CDC42EP4: variants seen among roughly 807,000 people sequenced by gnomAD.
The protein encoded by CDC42EP4 is CDC42 effector protein (Rho GTPase binding) 4.
A neutral mutation model predicts 5.6 loss-of-function variants in CDC42EP4; 6 were observed. That is an observed-to-expected ratio of 1.07 (90% CI 0.59 to 2.12). The LOEUF (loss-of-function observed/expected upper bound fraction) is 2.12. Among genes scored for constraint, CDC42EP4 ranks in the 30% most tolerant of loss-of-function variants. The pLI is 0.00. For synonymous variants in CDC42EP4, 230 were observed against 224.2 expected, an observed-to-expected ratio of 1.03 and a Z score of -0.23; for missense variants, 490 against 508.6, an observed-to-expected ratio of 0.96 and a Z score of 0.35.
chr17:73,291,953 C>T (rs886833089), intron 1 of CDC42EP4, among the ~76,000 whole-genome samples: 2 of 152,188 alleles, frequency 1.3e-5, no homozygotes, highest in Non-Finnish European at 2.9e-5. Context: ...CTTGCCTGGA[C>T]CCCTCGCCTA....
rs796328573 is a variant in CDC42EP4 at position 73,284,887 on chromosome 17, G to C, written c.*543C>G. On this transcript the variant is annotated 3_prime_UTR_variant, in exon 2 of 2. Coordinates refer to ENST00000335793, the MANE Select transcript of CDC42EP4 (RefSeq NM_012121.5). The stretch of plus-strand genomic sequence containing the variant: ...GGCCCCCCGTCCAGCTCAGCTCCAA[G>C]GGGCTCCAGATTTCCAGGGCAGGAG... The C allele has an allele frequency of 4.6e-5, 7 of 152,472 alleles. No individual in the cohort carries two copies. Among genetic ancestry groups the C allele is most frequent in the African/African-American group, 1.7e-4 (7 of 41,580 alleles). 9.4% of individuals were successfully genotyped at this position (152,472 alleles called of 1,614,324 possible). A position where few individuals can be genotyped will look rare whatever the true frequency, so the allele number is the denominator to read the frequency against.
Position 73,285,665 on chromosome 17 carries a change from T to A in CDC42EP4, c.836A>T (p.His279Leu). Residue 279 changes from histidine (H) to leucine (L), a missense_variant, in exon 2 of 2, where the codon CAT (histidine) becomes CTT (leucine). His to Leu is a moderately conservative substitution (Grantham distance 99). Transcript: ENST00000335793. This position sits in a 1 kb window ranked among gnomAD's most constrained non-coding sequence, Gnocchi z 6.8. ...AGPDLPSLPS[H>L]ALEDEGWAAA... Reference sequence around the variant, plus strand: ...TGCCCACCCCTCATCCTCCAGAGCATGGGAGGGGAGGGAGGGCAAGTCTGG... The same window carrying A: ...TGCCCACCCCTCATCCTCCAGAGCAAGGGAGGGGAGGGAGGGCAAGTCTGG... 1 of 1,584,312 alleles carries A rather than the reference T, an allele frequency of 6.3e-7. No homozygotes were observed. Among genetic ancestry groups the A allele is most frequent in the Non-Finnish European group, 8.6e-7 (1 of 1,161,454 alleles).
intron 1 of CDC42EP4, among the ~76,000 whole-genome samples, chr17:73,287,570 G>A (rs2062140821): frequency 6.6e-6 from 1 of 152,084 alleles, no homozygotes; most frequent in African/African-American, 2.4e-5. Flanking sequence ...TTCAGCATTG[G>A]GGCCAAACCA....
At chr17:73,292,169 G>A (rs1256912635) in intron 1 of CDC42EP4, among the ~76,000 whole-genome samples, 7 of 152,240 alleles carry the variant, frequency 4.6e-5, no homozygotes, top group Non-Finnish European at 7.3e-5. Flanking sequence ...GGTATACAGG[G>A]TACACAACAT....
intron 1 of CDC42EP4, among the ~76,000 whole-genome samples, chr17:73,288,535 C>T (rs895812997): frequency 5.9e-5 from 9 of 151,922 alleles, no homozygotes; most frequent in Non-Finnish European, 8.8e-5. Flanking sequence ...GGGATCAGGA[C>T]GTGGGATCAG....
At chr17:73,299,107 A>C (rs2062203554) in intron 1 of CDC42EP4, among the ~76,000 whole-genome samples, 1 of 152,068 alleles carries the variant, frequency 6.6e-6, no homozygotes, top group Middle Eastern at 3.4e-3. Flanking sequence ...ACAGGTGGGC[A>C]CCACCATGCC....
chr17:73,284,663 T>C lies in CDC42EP4; in HGVS notation c.*767A>G, dbSNP rs79036680. 2,802 of 152,300 alleles carry C rather than the reference T, an allele frequency of 0.018. 78 individuals carry two copies. Among genetic ancestry groups the C allele is most frequent in the African/African-American group, 0.063 (2,606 of 41,538 alleles). The allele number at this position is 152,300 out of a possible 1,614,324, so 9.4% of individuals were successfully genotyped here. ...CAGACCTATTAACACCATCCTGATA[T>C]TGCTCTATAAGGATTTAAACACAAT... On this transcript the variant is annotated 3_prime_UTR_variant, in exon 2 of 2. Coordinates refer to ENST00000335793, the MANE Select transcript of CDC42EP4 (RefSeq NM_012121.5).
At chr17:73,294,046 C>T (rs1031273622) in intron 1 of CDC42EP4, among the ~76,000 whole-genome samples, 1 of 152,126 alleles carries the variant, frequency 6.6e-6, no homozygotes, top group Non-Finnish European at 1.5e-5. Flanking sequence ...GCCTAAGTAA[C>T]CACAATCAAA....
intron 1 of CDC42EP4, among the ~76,000 whole-genome samples, chr17:73,308,580 G>C (rs1238135972): frequency 1.3e-5 from 2 of 152,198 alleles, no homozygotes; most frequent in South Asian, 4.1e-4. Flanking sequence ...GGCGTGGGGT[G>C]GGGGAGAGTG....
At chr17:73,297,504 A>G (rs963827120) in intron 1 of CDC42EP4, among the ~76,000 whole-genome samples, 1 of 152,138 alleles carries the variant, frequency 6.6e-6, no homozygotes, top group African/African-American at 2.4e-5. Flanking sequence ...TAAAATAAAT[A>G]GAAAAACAGG....
chr17:73,292,414 T>G (rs6501619), intron 1 of CDC42EP4, among the ~76,000 whole-genome samples: 3 of 152,144 alleles, frequency 2.0e-5, no homozygotes, highest in Non-Finnish European at 2.9e-5. Context: ...GCAGACCCAC[T>G]GATATTCACA....
At chr17:73,301,082 G>A (rs2145322526) in intron 1 of CDC42EP4, among the ~76,000 whole-genome samples, 1 of 151,400 alleles carries the variant, frequency 6.6e-6, no homozygotes, top group South Asian at 2.1e-4. Flanking sequence ...AATCTGGCAA[G>A]TCCAAATGGA....
chr17:73,309,117 G>A (rs1465712562), intron 1 of CDC42EP4, among the ~76,000 whole-genome samples: 2 of 150,810 alleles, frequency 1.3e-5, no homozygotes, highest in African/African-American at 4.9e-5. Flanking sequence ...AGGCCGAGGT[G>A]GGGGAAGATC....
At chr17:73,310,050 G>A (rs777512865) in intron 1 of CDC42EP4, 1 of 152,216 alleles carries the variant, frequency 6.6e-6, no homozygotes, top group Non-Finnish European at 1.5e-5. Context: ...AGAGCCTCAG[G>A]AGATCCTGGT....
At chr17:73,297,785 A>G (rs770533487) in intron 1 of CDC42EP4, among the ~76,000 whole-genome samples, 7 of 152,016 alleles carry the variant, frequency 4.6e-5, no homozygotes, top group East Asian at 2.0e-4. Flanking sequence ...CAGCCTCCCA[A>G]GTAGCTGGGA....
Position 73,286,319 on chromosome 17 carries a change from T to C in CDC42EP4, c.182A>G (p.Asp61Gly). ...SFLNSKAGEPDGESLDEQPSS... is the reference protein window; with the variant it reads ...SFLNSKAGEPGGESLDEQPSS... ...GGGCTGTTCGTCCAAGGACTCGCCGTCGGGCTCGCCAGCCTTGCTATTGAG... is the reference window on the plus strand; with the variant it reads ...GGGCTGTTCGTCCAAGGACTCGCCGCCGGGCTCGCCAGCCTTGCTATTGAG... The change falls in exon 2 of 2, where the codon GAC (aspartate) becomes GGC (glycine). Residue 61 changes from aspartate (D) to glycine (G), a missense_variant. Physicochemically the swap from Asp to Gly is moderately conservative, Grantham distance 94. Transcript: ENST00000335793. The surrounding 1 kb of genome is among the most constrained non-coding windows in gnomAD (Gnocchi z 7.7). 6.2e-7 allele frequency: 1 copy of C among 1,614,162 alleles called. No homozygotes were observed.
chr17:73,302,178 C>T (rs907486985), intron 1 of CDC42EP4, among the ~76,000 whole-genome samples: 2 of 152,118 alleles, frequency 1.3e-5, no homozygotes, highest in South Asian at 2.1e-4. Flanking sequence ...ATGGCCACCC[C>T]ACCAAGCTTA....
At position 73,283,762 on chromosome 17, in the gene CDC42EP4, C is replaced by G. The variant is rs373346345; in HGVS notation, c.*1668G>C. ...TGCATAGCCCCTGAGGTTCCTCCCC[C>G]ACCATGGGACCTAAGCTATTGGAAA... On this transcript the variant is annotated 3_prime_UTR_variant, in exon 2 of 2. Transcript: ENST00000335793. The G allele has an allele frequency of 2.7e-4, 41 of 152,432 alleles. No individual in the cohort carries two copies. The highest frequency in any genetic ancestry group is 9.1e-4 in the African/African-American group (38 of 41,588). 9.4% of individuals were successfully genotyped at this position (152,432 alleles called of 1,614,324 possible). A position where few individuals can be genotyped will look rare whatever the true frequency, so the allele number is the denominator to read the frequency against.
rs1266018342 is a variant in CDC42EP4, at chr17:73,285,908, T to C, written c.593A>G (p.Tyr198Cys). Residue 198 changes from tyrosine (Y) to cysteine (C), a missense_variant, in exon 2 of 2, where the codon TAC (tyrosine) becomes TGC (cysteine). Transcript: ENST00000335793. The surrounding 1 kb of genome is among the most constrained non-coding windows in gnomAD (Gnocchi z 6.8). ...GATGGACTCCGCATGCTTCAGCCCG[T>C]ACGTGGCCTTGGGCACGACAGGCAG... Reference protein sequence around the residue: ...TDLPVVPKATYGLKHAESIMS... With the variant: ...TDLPVVPKATCGLKHAESIMS... 1.2e-6 allele frequency: 2 copies of C among 1,614,004 alleles called. No homozygotes were observed. Among genetic ancestry groups the C allele is most frequent in the East Asian group, 4.5e-5 (2 of 44,874 alleles).
Sources: allele counts gnomAD v4.1 joint callset (sites outside exome capture counted in the v4.1 genomes callset), GRCh38; gene constraint gnomAD v4.1.1; non-coding constraint Gnocchi (gnomAD v3.1); transcripts MANE v1.5; gene names NCBI Gene and HGNC (gene_info 2026-07-23, HGNC 2026-07-21).